DYM: variants seen among roughly 807,000 people sequenced by gnomAD.
DYM encodes dymeclin, also known as dyggve-Melchior-Clausen syndrome protein.
Under a neutral mutation model 93.1 loss-of-function variants are expected in DYM, and 78 were observed. The ratio of observed to expected loss-of-function variants is 0.84; its 90% confidence interval spans 0.70 to 1.01. The LOEUF (loss-of-function observed/expected upper bound fraction) is 1.01, where lower values mean the gene tolerates loss of function less well. Among genes scored for constraint, DYM ranks in the 50% least tolerant of loss-of-function variants. DYM has a pLI of 0.00. For missense variants in DYM, 789 were observed against 845.0 expected (o/e 0.93, Z 0.82); for synonymous variants, 321 against 319.7 (o/e 1.00, Z -0.04).
intron 14 of DYM, among the ~76,000 whole-genome samples, chr18:49,192,441 G>A (rs2091067332): frequency 6.6e-6 from 1 of 152,102 alleles, no homozygotes; most frequent in Non-Finnish European, 1.5e-5. Context: ...AATTTGATTT[G>A]ATTTTGTAGG....
At chr18:49,253,021 G>A (rs1384271031) in intron 13 of DYM, among the ~76,000 whole-genome samples, 1 of 152,170 alleles carries the variant, frequency 6.6e-6, no homozygotes, top group East Asian at 1.9e-4. Flanking sequence ...TTAAGTATGA[G>A]CAACAGCCTA....
chr18:49,165,111 A>T (rs2145113663), intron 14 of DYM, among the ~76,000 whole-genome samples: 1 of 152,170 alleles, frequency 6.6e-6, no homozygotes, highest in East Asian at 1.9e-4. Context: ...AATCATAAGG[A>T]AGTTGGAATG....
chr18:49,065,546 G>T (rs747136525), intron 17 of DYM, among the ~76,000 whole-genome samples: 6 of 152,060 alleles, frequency 3.9e-5, no homozygotes, highest in Non-Finnish European at 7.4e-5. Flanking sequence ...ATTTTTAGTA[G>T]AGACAGGGTT....
chr18:49,342,843 T>C lies in DYM; in HGVS notation c.495-8990A>G, dbSNP rs1352755584. On this transcript the variant is annotated intron_variant, in intron 6 of 17. Transcript: ENST00000675505. ...GAGCAACAGGTTATACTATTCAGGGTAGGTGTGTAGCAGGCTATAACATCT... is the reference window on the plus strand; with the variant it reads ...GAGCAACAGGTTATACTATTCAGGGCAGGTGTGTAGCAGGCTATAACATCT... Among the ~76,000 whole-genome samples the C allele has an allele frequency of 2.6e-5, 4 of 152,290 alleles. No homozygotes were observed. The East Asian group carries it at 7.7e-4, about 29-fold the overall frequency.
chr18:49,165,397 C>G lies in DYM; in HGVS notation c.1626-1610G>C, dbSNP rs557807084. 4.5e-4 allele frequency among the ~76,000 whole-genome samples: 69 copies of G among 152,216 alleles called. No homozygotes were observed. The Middle Eastern group carries it at 0.01, about 23-fold the overall frequency. On this transcript the variant is annotated intron_variant, in intron 14 of 17. Coordinates refer to ENST00000675505, the MANE Select transcript of DYM (RefSeq NM_001353214.3). ...GATTCCATGTACTTCCCATAAAAAT[C>G]TGAAGTATGGCCTTTAGTATTTTTT...
intron 17 of DYM, among the ~76,000 whole-genome samples, chr18:49,065,638 A>G (rs2076330296): frequency 6.6e-6 from 1 of 152,070 alleles, no homozygotes; most frequent in African/African-American, 2.4e-5. Flanking sequence ...CTGGGATTAC[A>G]GGCATGAGCC....
At chr18:49,128,456 G>C (rs1183025895) in intron 15 of DYM, among the ~76,000 whole-genome samples, 2 of 152,176 alleles carry the variant, frequency 1.3e-5, no homozygotes, top group African/African-American at 4.8e-5. Flanking sequence ...CAATACTTTA[G>C]GAAGATGTGT....
At chr18:49,196,466 C>CACAT (rs1269517211) in intron 14 of DYM, among the ~76,000 whole-genome samples, 2 of 141,462 alleles carry the variant, frequency 1.4e-5, no homozygotes, top group Non-Finnish European at 3.1e-5. Flanking sequence ...CACACACACA[C>CACAT]ATTTTCTGCC....
At chr18:49,066,771 C>T (rs573089605) in intron 17 of DYM, among the ~76,000 whole-genome samples, 1 of 152,016 alleles carries the variant, frequency 6.6e-6, no homozygotes, top group East Asian at 1.9e-4. Flanking sequence ...CTTTTCTTAT[C>T]CCTGATCTTG....
In DYM at chr18:49,118,825, G is replaced by GTA; in HGVS notation, c.1828_1829dup (p.Ala611ThrfsTer22). ...AGAGATCGCGTTTGTAAAGCAGGGC[G>GTA]TATACCAAGTTTGGGTTGTGGTGAA... On this transcript the variant is annotated frameshift_variant, in exon 16 of 18. Coordinates refer to ENST00000675505, the MANE Select transcript of DYM (RefSeq NM_001353214.3). LOFTEE classifies it high-confidence loss of function. The GTA allele has an allele frequency of 6.2e-7, 1 of 1,614,054 alleles. No individual in the cohort carries two copies. Among genetic ancestry groups the GTA allele is most frequent in the Non-Finnish European group, 8.5e-7 (1 of 1,179,958 alleles).
chr18:49,412,373 A>C (rs2148211045), intron 2 of DYM, among the ~76,000 whole-genome samples: 1 of 152,290 alleles, frequency 6.6e-6, no homozygotes, highest in East Asian at 1.9e-4. Context: ...CTTTTAGTTT[A>C]AGGGACTGAT....
chr18:49,120,476 C>T (rs1014316675), intron 15 of DYM, among the ~76,000 whole-genome samples: 1 of 152,088 alleles, frequency 6.6e-6, no homozygotes, highest in African/African-American at 2.4e-5. Context: ...CCCCCTGCCT[C>T]GGAAATACCA....
intron 6 of DYM, among the ~76,000 whole-genome samples, chr18:49,352,196 G>A (rs1485732446): frequency 6.6e-6 from 1 of 152,142 alleles, no homozygotes; most frequent in Non-Finnish European, 1.5e-5. Flanking sequence ...AAAGTAGGTC[G>A]GTTTTGCTAG....
intron 10 of DYM, among the ~76,000 whole-genome samples, chr18:49,281,689 G>T (rs957900730): frequency 2.6e-5 from 4 of 152,040 alleles, no homozygotes; most frequent in Admixed American, 2.0e-4. Flanking sequence ...CATTCTCAGC[G>T]AACTATCCCA....
intron 13 of DYM, among the ~76,000 whole-genome samples, chr18:49,219,890 T>C (rs2143995554): frequency 7.6e-6 from 1 of 132,418 alleles, no homozygotes; most frequent in South Asian, 2.6e-4. Context: ...CAACATAGTG[T>C]TGGAAGTTCT....
intron 2 of DYM, among the ~76,000 whole-genome samples, chr18:49,415,795 C>T (rs538480703): frequency 7.2e-4 from 110 of 152,078 alleles, no homozygotes; most frequent in Non-Finnish European, 1.2e-3. Context: ...GGCATGGTGG[C>T]ATGTGCCTGT....
intron 6 of DYM, among the ~76,000 whole-genome samples, chr18:49,343,454 C>A (rs1340611842): frequency 6.6e-6 from 1 of 152,226 alleles, no homozygotes; most frequent in African/African-American, 2.4e-5. Flanking sequence ...GTCCACTTCA[C>A]AAGAAGCCCT....
At chr18:49,434,582 G>C (rs781085041) in intron 1 of DYM, among the ~76,000 whole-genome samples, 1 of 152,082 alleles carries the variant, frequency 6.6e-6, no homozygotes, top group Non-Finnish European at 1.5e-5. Flanking sequence ...ACTCTGGAGT[G>C]GGGAGGGTGG....
intron 3 of DYM, among the ~76,000 whole-genome samples, chr18:49,390,022 A>C (rs1047977231): frequency 6.6e-6 from 1 of 152,248 alleles, no homozygotes; most frequent in Non-Finnish European, 1.5e-5. Flanking sequence ...ATGGCTTTTG[A>C]AAGCCAGCTC....
Sources: gnomAD v4.1 joint callset for allele counts (sites outside exome capture counted in the v4.1 genomes callset) on GRCh38, gnomAD v4.1.1 for gene constraint, MANE v1.5 for transcripts, NCBI Gene and HGNC (gene_info 2026-07-23, HGNC 2026-07-21) for gene names.